The following MBIP variants were observed in gnomAD, a reference collection of about 807,000 sequenced individuals.
The protein encoded by MBIP is MAP3K12-binding inhibitory protein 1.
Under a neutral mutation model 45.7 loss-of-function variants are expected in MBIP, and 32 were observed. The ratio of observed to expected loss-of-function variants is 0.70; its 90% CI spans 0.53 to 0.94. MBIP has a LOEUF of 0.94. MBIP is among the 40% of genes least tolerant of loss of function. The probability of loss-of-function intolerance (pLI) is 0.00; values close to 1 mark genes in which losing one functional copy is unlikely to be tolerated. For missense variants in MBIP, 381 were observed against 405.5 expected, an observed-to-expected ratio of 0.94 and a Z score of 0.52; for synonymous variants, 145 against 141.0, an observed-to-expected ratio of 1.03 and a Z score of -0.20.
intron 7 of MBIP, chr14:36,304,957 A>G (rs1000234271): frequency 2.6e-5 from 4 of 152,230 alleles, no homozygotes; most frequent in Non-Finnish European, 5.9e-5. Flanking sequence ...GAGTTCCAAC[A>G]AAAGTTCAAT....
At chr14:36,311,213 A>T (rs527605277) in intron 6 of MBIP, among the ~76,000 whole-genome samples, 1 of 152,302 alleles carries the variant, frequency 6.6e-6, no homozygotes, top group East Asian at 1.9e-4. Flanking sequence ...AGTCCCACTG[A>T]CACAGGAGGT....
At chr14:36,317,905 C>CAATAAAAAGATAATATATTGAAT (rs1312672862) in intron 1 of MBIP, among the ~76,000 whole-genome samples, 3 of 151,498 alleles carry the variant, frequency 2.0e-5, no homozygotes, top group Non-Finnish European at 4.4e-5. Flanking sequence ...ATAAGGTTAC[C>CAATAAAAAGATAATATATTGAAT]AATAAAAAGA....
intron 7 of MBIP, among the ~76,000 whole-genome samples, chr14:36,307,750 G>A (rs566615640): frequency 6.6e-6 from 1 of 152,302 alleles, no homozygotes; most frequent in East Asian, 1.9e-4. Flanking sequence ...CACTGAAAGA[G>A]CAAGGTTACA....
At chr14:36,302,466 T>C (rs561130808) in intron 7 of MBIP, among the ~76,000 whole-genome samples, 1 of 134,072 alleles carries the variant, frequency 7.5e-6, no homozygotes, top group East Asian at 2.2e-4. Flanking sequence ...CACTCCAGCC[T>C]GGGCGACAGA....
intron 4 of MBIP, chr14:36,313,531 C>T (rs977088112): frequency 6.6e-5 from 10 of 152,100 alleles, no homozygotes; most frequent in African/African-American, 2.4e-5. Context: ...TTCTCATAGT[C>T]GCTTGTAGTT....
At chr14:36,303,132 G>A (rs1454694250) in intron 7 of MBIP, among the ~76,000 whole-genome samples, 1 of 152,186 alleles carries the variant, frequency 6.6e-6, no homozygotes, top group Non-Finnish European at 1.5e-5. Context: ...GTAGGTTAGA[G>A]GTGTTGAATG....
At chr14:36,299,496 A>G (rs544206205) in intron 8 of MBIP, among the ~76,000 whole-genome samples, 1 of 149,416 alleles carries the variant, frequency 6.7e-6, no homozygotes, top group East Asian at 1.9e-4. Context: ...TAGACACTGG[A>G]GCCTATTTGA....
rs368293576 is a variant in MBIP, at chr14:36,306,516, G to A, written c.888+1576C>T. Among the ~76,000 whole-genome samples the A allele has an allele frequency of 1.8e-3, 281 of 151,948 alleles. 1 individual carries two copies. The highest frequency in any genetic ancestry group is 6.1e-3 in the African/African-American group (254 of 41,440). ...TTGAACTCCCGACCTCTGGTGATCC[G>A]CCCACCTTGGCCTCCCAAAGTGCTG... is the stretch of plus-strand genomic sequence containing the variant. On this transcript the variant is annotated intron_variant, in intron 7 of 8. Coordinates refer to ENST00000416007, the MANE Select transcript of MBIP (RefSeq NM_016586.3).
At position 36,314,737 on chromosome 14, in the gene MBIP, ATCTG is replaced by A; in HGVS notation, c.424_427del (p.Gln142SerfsTer7). On this transcript the variant is annotated frameshift_variant, in exon 3 of 9. Transcript: ENST00000416007. LOFTEE classifies it high-confidence loss of function. ...CTGAACTACTTCTGGATCAAAATGG[ATCTG>A]TGTCTTTTTCACATCTCTTAAATCA... 1 of 1,613,618 alleles carries A rather than the reference ATCTG, an allele frequency of 6.2e-7. No homozygotes were observed.
intron 7 of MBIP, among the ~76,000 whole-genome samples, chr14:36,306,854 A>G (rs1402428807): frequency 6.6e-6 from 1 of 152,254 alleles, no homozygotes; most frequent in Non-Finnish European, 1.5e-5. Context: ...CATTCAAAGA[A>G]TAATCCTAAA....
At chr14:36,302,620 T>C (rs1879636609) in intron 7 of MBIP, among the ~76,000 whole-genome samples, 1 of 150,430 alleles carries the variant, frequency 6.6e-6, no homozygotes, top group African/African-American at 2.5e-5. Flanking sequence ...AAGCAAGAAA[T>C]ATTAGAATGA....
intron 4 of MBIP, among the ~76,000 whole-genome samples, chr14:36,312,653 C>T (rs4900924): frequency 0.93 from 141,338 of 152,136 alleles, 65,770 homozygotes; most frequent in East Asian, 0.96. Context: ...GAAAATTTGT[C>T]CCTATTTTTT....
intron 1 of MBIP, among the ~76,000 whole-genome samples, 178 bp from the exon 2 acceptor site, chr14:36,316,990 C>T (rs542631209): frequency 1.4e-4 from 21 of 152,224 alleles, no homozygotes; most frequent in South Asian, 8.3e-4. Context: ...AAGAAAGCTA[C>T]AGATTTTCAT....
At chr14:36,320,252 C>G (rs1880812212) in intron 1 of MBIP, among the ~76,000 whole-genome samples, 1 of 152,154 alleles carries the variant, frequency 6.6e-6, no homozygotes, top group Admixed American at 6.5e-5. Context: ...GGGAGGACAG[C>G]TGCAAGGTAA....
intron 6 of MBIP, among the ~76,000 whole-genome samples, chr14:36,311,196 T>C (rs891286323): frequency 6.6e-6 from 1 of 152,002 alleles, no homozygotes; most frequent in Non-Finnish European, 1.5e-5. Context: ...TAGTGACACA[T>C]GATTGTAGTC....
chr14:36,303,473 C>T (rs566186270), intron 7 of MBIP, among the ~76,000 whole-genome samples: 2 of 152,268 alleles, frequency 1.3e-5, no homozygotes, highest in South Asian at 2.1e-4. Flanking sequence ...ATGGTATAGT[C>T]TATTGCTCCT....
At chr14:36,311,847 C>T in intron 5 of MBIP, 112 bp downstream of exon 5, 1 of 1,168,470 alleles carries the variant, frequency 8.6e-7, no homozygotes, top group Non-Finnish European at 1.2e-6. Flanking sequence ...TGAAGGACGG[C>T]AAGATGTTTT....
chr14:36,316,803 T>C lies in MBIP; in HGVS notation c.139A>G (p.Arg47Gly), dbSNP rs141105699. Residue 47 changes from arginine to glycine, a missense_variant, in exon 2 of 9, where the codon AGA becomes GGA. Arg to Gly is a moderately radical substitution (Grantham distance 125, BLOSUM62 -2). Transcript: ENST00000416007. ...LHTLVGQLDL[R>G]DDVVKITIDW... ...ATTGTAATTTTCACCACATCATCTC[T>C]GAGGTCAAGCTTCAAAGGGGCAAAC... 6.2e-7 allele frequency: 1 copy of C among 1,609,522 alleles called. No individual in the cohort carries two copies. The highest frequency in any genetic ancestry group is 8.5e-7 in the Non-Finnish European group (1 of 1,178,280).
rs1879497680 is a variant in MBIP at position 36,300,789 on chromosome 14, G to A, written c.923C>T (p.Pro308Leu). 6.4e-7 allele frequency: 1 copy of A among 1,552,778 alleles called. No individual in the cohort carries two copies. The highest frequency in any genetic ancestry group is 8.7e-7 in the Non-Finnish European group (1 of 1,143,440). The change falls in exon 8 of 9, where the codon CCT becomes CTT. Residue 308 changes from proline to leucine, a missense_variant. Coordinates refer to ENST00000416007, the MANE Select transcript of MBIP (RefSeq NM_016586.3). ...AATGAAAATGCAGTAACTTACTTGA[G>A]GTGGTTGAACTTTTCTTCTTTTTCC... ...FSGKRRKVQP[P>L]QQNYSLAELD...
Sources: gnomAD v4.1 joint callset for allele counts (sites outside exome capture counted in the v4.1 genomes callset) on GRCh38, gnomAD v4.1.1 for gene constraint, MANE v1.5 for transcripts, NCBI Gene and HGNC (gene_info 2026-07-23, HGNC 2026-07-21) for gene names.